The following CACNG7 variants were observed in gnomAD, a reference collection of about 807,000 sequenced individuals.
CACNG7 encodes voltage-dependent calcium channel gamma-7 subunit.
In CACNG7, 9 loss-of-function variants were observed where a neutral mutation model predicts 26.3. The observed-to-expected ratio is 0.34, with a 90% confidence interval of 0.21 to 0.60. CACNG7 has a LOEUF of 0.60. Ranked by LOEUF, CACNG7 falls within the 20% of genes least tolerant of loss-of-function variation. The pLI, the probability that CACNG7 is intolerant of heterozygous loss-of-function variation, is 0.81. For synonymous variants in CACNG7, 170 were observed against 157.0 expected (o/e 1.08, Z -0.62); for missense variants, 297 against 380.4 (o/e 0.78, Z 1.82).
At chr19:53,924,190 T>A (rs1345479529) in intron 4 of CACNG7, among the ~76,000 whole-genome samples, 2 of 134,078 alleles carry the variant, frequency 1.5e-5, no homozygotes, top group East Asian at 2.4e-4. Context: ...GTCTGGTCAT[T>A]GGTGGAGTTG....
chr19:53,911,154 C>T lies in CACNG7; in HGVS notation c.-30+1637C>T, dbSNP rs564832895. Among the ~76,000 whole-genome samples, 88 of 151,990 alleles carry T rather than the reference C, an allele frequency of 5.8e-4. 1 individual carries two copies. Among genetic ancestry groups the T allele is most frequent in the Admixed American group, 3.3e-3 (51 of 15,266 alleles). The stretch of plus-strand genomic sequence containing the variant: ...CTATCTCGGCTCACTGCAACCTTGC[C>T]TCTCAGGTTCAAGCTATTCTCCTGC... On this transcript the variant is annotated intron_variant, in intron 1 of 5. Coordinates refer to ENST00000391767, the MANE Select transcript of CACNG7 (RefSeq NM_031896.5).
Position 53,912,901 on chromosome 19 carries a change from G to C in CACNG7, c.70G>C (p.Val24Leu). The C allele has an allele frequency of 6.2e-7, 1 of 1,614,080 alleles. No homozygotes were observed. Among genetic ancestry groups the C allele is most frequent in the African/African-American group, 1.3e-5 (1 of 75,046 alleles). ...SVFGACGLLLVGIAVSTDYWL... is the reference protein window; with the variant it reads ...SVFGACGLLLLGIAVSTDYWL... ...GTTTGGTGCGTGTGGCCTGCTCCTGGTAGGCATCGCGGTCAGCACTGACTA... is the reference window on the plus strand; with the variant it reads ...GTTTGGTGCGTGTGGCCTGCTCCTGCTAGGCATCGCGGTCAGCACTGACTA... The change falls in exon 2 of 6, where the codon GTA (valine) becomes CTA (leucine). Residue 24 changes from valine to leucine, a missense_variant. By Grantham distance (32) the Val-to-Leu change is conservative. Transcript: ENST00000391767. The surrounding 1 kb of genome is among the most constrained non-coding windows in gnomAD (Gnocchi z 4.6).
Position 53,928,818 on chromosome 19 carries a change from TA to T in CACNG7, c.425-12650del, listed in dbSNP as rs140251212. On this transcript the variant is annotated intron_variant, in intron 4 of 5. Coordinates refer to ENST00000391767, the MANE Select transcript of CACNG7 (RefSeq NM_031896.5). Reference sequence around the variant, plus strand: ...GGAACAATGGTACAAACATACAGAATAAGGCCTGAAGGCCGGGCACGGTAGC... The same window carrying T: ...GGAACAATGGTACAAACATACAGAATAGGCCTGAAGGCCGGGCACGGTAGC... 8.6e-3 allele frequency among the ~76,000 whole-genome samples: 1,314 copies of T among 152,092 alleles called. 20 individuals are homozygous for T. Among genetic ancestry groups the T allele is most frequent in the African/African-American group, 0.029 (1,222 of 41,508 alleles).
At chr19:53,921,277 T>C (rs1336159586) in intron 4 of CACNG7, among the ~76,000 whole-genome samples, 5 of 122,360 alleles carry the variant, frequency 4.1e-5, no homozygotes, top group African/African-American at 1.5e-4. Context: ...TGGTCATTGG[T>C]GGAGTTGCCT....
At chr19:53,925,174 G>C (rs1225541070) in intron 4 of CACNG7, among the ~76,000 whole-genome samples, 3 of 110,344 alleles carry the variant, frequency 2.7e-5, no homozygotes, top group Admixed American at 8.5e-5. Context: ...TCTGGTCATT[G>C]GTGAAGTTGC....
At position 53,912,731 on chromosome 19, in the gene CACNG7, C is replaced by G. The variant is rs13346436; in HGVS notation, c.-29-72C>G. 5 of 1,230,178 alleles carry G rather than the reference C, an allele frequency of 4.1e-6. No homozygotes were observed. Among genetic ancestry groups the G allele is most frequent in the Non-Finnish European group, 5.8e-6 (5 of 858,198 alleles). The allele number at this position is 1,230,178 out of a possible 1,614,324, so 76.2% of individuals were successfully genotyped here. A position where few individuals can be genotyped will look rare whatever the true frequency, so the allele number is the denominator to read the frequency against. ...GTGTCTCTGGCTAGGGCCCAGCATC[C>G]CGGGTTGCTGCATGGGGTCAAGCAC... On this transcript the variant is annotated intron_variant, in intron 1 of 5. Transcript: ENST00000391767. The surrounding 1 kb of genome is among the most constrained non-coding windows in gnomAD (Gnocchi z 4.6).
intron 4 of CACNG7, among the ~76,000 whole-genome samples, chr19:53,918,798 C>T (rs889343598): frequency 7.2e-5 from 11 of 152,080 alleles, no homozygotes; most frequent in African/African-American, 1.4e-4. Context: ...GATGGAGTTT[C>T]GCTCTCGTCG....
At chr19:53,924,524 T>G (rs1284693272) in intron 4 of CACNG7, among the ~76,000 whole-genome samples, 3 of 146,388 alleles carry the variant, frequency 2.0e-5, no homozygotes, top group African/African-American at 7.7e-5. Context: ...ATTGGTGGAG[T>G]TGCCCCAGGT....
chr19:53,918,958 C>T (rs552440793), intron 4 of CACNG7, among the ~76,000 whole-genome samples: 13 of 152,024 alleles, frequency 8.6e-5, no homozygotes, highest in Non-Finnish European at 1.5e-4. Context: ...TTAGTAGAGA[C>T]GGGGTTTCAC....
At chr19:53,932,027 C>T (rs1408156538) in intron 4 of CACNG7, among the ~76,000 whole-genome samples, 4 of 151,360 alleles carry the variant, frequency 2.6e-5, no homozygotes, top group Admixed American at 6.6e-5. Context: ...TTCCAAAGTG[C>T]TGGGATTACA....
At chr19:53,919,413 T>C (rs1433304213) in intron 4 of CACNG7, among the ~76,000 whole-genome samples, 1 of 147,744 alleles carries the variant, frequency 6.8e-6, no homozygotes, top group Non-Finnish European at 1.5e-5. Flanking sequence ...GGCCTGGTCA[T>C]TGGTGGACTT....
intron 3 of CACNG7, 78 bp downstream of exon 3, chr19:53,914,664 C>T (rs1462134875): frequency 1.2e-5 from 16 of 1,323,656 alleles, no homozygotes; most frequent in Non-Finnish European, 1.7e-5. Flanking sequence ...GGGGGCAGGA[C>T]TAGGGAAAGG....
intron 4 of CACNG7, 111 bp from the exon 5 acceptor site, chr19:53,941,359 G>A: frequency 8.0e-7 from 1 of 1,255,986 alleles, no homozygotes; most frequent in South Asian, 1.8e-5. Context: ...GGGGCTTCAG[G>A]GAAGTTAGTC....
chr19:53,915,579 C>T, intron 4 of CACNG7, 74 bp downstream of exon 4: 1 of 1,550,812 alleles, frequency 6.4e-7, no homozygotes, highest in Non-Finnish European at 8.8e-7. Context: ...TTCCACTTAG[C>T]CACTTCCTTG....
chr19:53,924,057 G>C (rs1222720114), intron 4 of CACNG7, among the ~76,000 whole-genome samples: 2 of 141,360 alleles, frequency 1.4e-5, no homozygotes, highest in African/African-American at 5.7e-5. Context: ...GTCATTGGTG[G>C]AGTTGTCCCC....
At position 53,915,490 on chromosome 19, in the gene CACNG7, T is replaced by C. The variant is rs376155498; in HGVS notation, c.409T>C (p.Phe137Leu). 2 of 1,614,052 alleles carry C rather than the reference T, an allele frequency of 1.2e-6. No homozygotes were observed. Among genetic ancestry groups the C allele is most frequent in the African/African-American group, 2.7e-5 (2 of 74,928 alleles). ...CATTCTGGCTTTTGTCTCTGGCATC[T>C]TCTTCATACTATCGGGTGAGCCTAA... is the stretch of plus-strand genomic sequence containing the variant. Reference protein sequence around the residue: ...RTILAFVSGIFFILSGLSLVV... With the variant: ...RTILAFVSGILFILSGLSLVV... Residue 137 changes from phenylalanine (F) to leucine (L), a missense_variant, in exon 4 of 6, where the codon TTC becomes CTC. Phe to Leu is a conservative substitution (Grantham distance 22). Coordinates refer to ENST00000391767, the MANE Select transcript of CACNG7 (RefSeq NM_031896.5).
intron 4 of CACNG7, among the ~76,000 whole-genome samples, chr19:53,917,823 C>T (rs770699225): frequency 5.3e-5 from 8 of 151,914 alleles, no homozygotes; most frequent in South Asian, 2.1e-4. Flanking sequence ...AACAGAGGCT[C>T]GAAGAGGCGA....
At chr19:53,929,446 CT>C (rs1335907951) in intron 4 of CACNG7, among the ~76,000 whole-genome samples, 32 of 151,990 alleles carry the variant, frequency 2.1e-4, no homozygotes, top group Admixed American at 2.1e-3. Flanking sequence ...CATGATCATT[CT>C]CTTTATTTTT....
At chr19:53,916,487 C>CTTTTTTTTTTTTTTTTTTTT in intron 4 of CACNG7, among the ~76,000 whole-genome samples, 1 of 95,466 alleles carries the variant, frequency 1.0e-5, no homozygotes, top group African/African-American at 4.4e-5. Flanking sequence ...TTCTTTCTTT[C>CTTTTTTTTTTTTTTTTTTTT]TTTTTTTTTT....
Sources: allele counts gnomAD v4.1 joint callset (sites outside exome capture counted in the v4.1 genomes callset), GRCh38; gene constraint gnomAD v4.1.1; non-coding constraint Gnocchi (gnomAD v3.1); transcripts MANE v1.5; gene names NCBI Gene and HGNC (gene_info 2026-07-23, HGNC 2026-07-21).